The following UBASH3B variants were observed in gnomAD, a reference collection of about 807,000 sequenced individuals.
The protein encoded by UBASH3B is ubiquitin associated and SH3 domain containing B, also known as ubiquitin-associated and SH3 domain-containing protein B.
In UBASH3B, 37 loss-of-function variants were observed where a neutral mutation model predicts 83.4. That is an observed-to-expected ratio of 0.44 (90% CI 0.34 to 0.58). The LOEUF (loss-of-function observed/expected upper bound fraction) is 0.58. Ranked by LOEUF, UBASH3B falls within the 20% of genes least tolerant of loss-of-function variation. UBASH3B has a pLI of 0.01. For missense variants in UBASH3B, 657 were observed against 827.2 expected (o/e 0.79, Z 2.52); for synonymous variants, 304 against 318.3 (o/e 0.96, Z 0.48).
rs1185820802 is a variant in UBASH3B at position 122,759,282 on chromosome 11, T to C, written c.162-16937T>C. ...CACGTGGCTGTCTTTTCATAGGCAGTCCACAACATGCTGCTTCTCCTTGGC... is the reference window on the plus strand; with the variant it reads ...CACGTGGCTGTCTTTTCATAGGCAGCCCACAACATGCTGCTTCTCCTTGGC... On this transcript the variant is annotated intron_variant, in intron 1 of 13. Coordinates refer to ENST00000284273, the MANE Select transcript of UBASH3B (RefSeq NM_032873.5). The surrounding 1 kb of genome is among the most constrained non-coding windows in gnomAD (Gnocchi z 4.1). 6.6e-6 allele frequency among the ~76,000 whole-genome samples: 1 copy of C among 152,168 alleles called. No homozygotes were observed. The highest frequency in any genetic ancestry group is 1.5e-5 in the Non-Finnish European group (1 of 68,028).
intron 1 of UBASH3B, among the ~76,000 whole-genome samples, chr11:122,770,835 C>T (rs746363924): frequency 2.6e-5 from 4 of 152,188 alleles, no homozygotes; most frequent in Non-Finnish European, 5.9e-5. Context: ...TGCCAATATC[C>T]TCATTGTCAC....
chr11:122,763,647 T>A (rs1860483585), intron 1 of UBASH3B, among the ~76,000 whole-genome samples: 1 of 152,174 alleles, frequency 6.6e-6, no homozygotes, highest in Non-Finnish European at 1.5e-5. Context: ...TCCCATTGAT[T>A]GTGGGATGTG....
intron 1 of UBASH3B, among the ~76,000 whole-genome samples, chr11:122,674,246 C>T (rs184904076): frequency 1.3e-5 from 2 of 152,266 alleles, no homozygotes; most frequent in Admixed American, 1.3e-4. Context: ...AGTTGGGGCC[C>T]CTCGTTCCTC....
intron 1 of UBASH3B, among the ~76,000 whole-genome samples, chr11:122,671,303 A>G (rs1161526826): frequency 1.2e-4 from 19 of 152,182 alleles, no homozygotes; most frequent in Non-Finnish European, 8.8e-5. Flanking sequence ...AGGCAGGCAG[A>G]TTGCTTAAGG....
intron 1 of UBASH3B, among the ~76,000 whole-genome samples, chr11:122,660,319 G>T (rs578159578): frequency 6.6e-6 from 1 of 152,144 alleles, no homozygotes; most frequent in East Asian, 1.9e-4. Context: ...GGAGGTGTTC[G>T]GGAGGCATCA....
intron 1 of UBASH3B, among the ~76,000 whole-genome samples, chr11:122,735,832 C>T (rs527652801): frequency 1.3e-5 from 2 of 152,094 alleles, no homozygotes; most frequent in African/African-American, 2.4e-5. Context: ...GGCATGAGAG[C>T]GAAGTGGCGG....
chr11:122,753,544 G>A (rs1450395267), intron 1 of UBASH3B, among the ~76,000 whole-genome samples: 1 of 144,996 alleles, frequency 6.9e-6, no homozygotes, highest in South Asian at 2.2e-4. Flanking sequence ...TGTCGCCCAG[G>A]CTGGAGTGAA....
At chr11:122,730,310 G>A (rs1386397048) in intron 1 of UBASH3B, among the ~76,000 whole-genome samples, 2 of 152,084 alleles carry the variant, frequency 1.3e-5, no homozygotes, top group African/African-American at 4.8e-5. Context: ...ACGGGTCCTT[G>A]AACAATTGCA....
chr11:122,804,543 G>A (rs563660341), intron 11 of UBASH3B, among the ~76,000 whole-genome samples: 23 of 152,252 alleles, frequency 1.5e-4, no homozygotes, highest in African/African-American at 5.3e-4. Context: ...AGTTGCTAAC[G>A]GTGTTAGCAT....
intron 5 of UBASH3B, among the ~76,000 whole-genome samples, chr11:122,786,705 G>T (rs926151911): frequency 6.6e-6 from 1 of 152,110 alleles, no homozygotes; most frequent in South Asian, 2.1e-4. Flanking sequence ...TAAAACAAAA[G>T]AATAAGTAGA....
intron 1 of UBASH3B, among the ~76,000 whole-genome samples, chr11:122,665,813 G>C (rs950164055): frequency 1.3e-5 from 2 of 152,164 alleles, no homozygotes; most frequent in African/African-American, 4.8e-5. Flanking sequence ...CCAAAGTGCT[G>C]GTTAAATAAG....
At chr11:122,689,938 G>A (rs902000210) in intron 1 of UBASH3B, among the ~76,000 whole-genome samples, 2 of 151,744 alleles carry the variant, frequency 1.3e-5, no homozygotes, top group Non-Finnish European at 2.9e-5. Context: ...CTCCCCTGGC[G>A]CCACCCTCCA....
intron 1 of UBASH3B, among the ~76,000 whole-genome samples, chr11:122,761,186 C>G (rs930791052): frequency 1.3e-5 from 2 of 152,180 alleles, no homozygotes; most frequent in Non-Finnish European, 2.9e-5. Context: ...AAGGTCTTCT[C>G]AAGAGTCTCA....
At chr11:122,804,332 G>A (rs1170070771) in intron 11 of UBASH3B, among the ~76,000 whole-genome samples, 1 of 152,116 alleles carries the variant, frequency 6.6e-6, no homozygotes, top group Non-Finnish European at 1.5e-5. Flanking sequence ...GACTCAGAAG[G>A]CTGTTTCCTA....
chr11:122,669,459 ATCAC>A (rs1279748949), intron 1 of UBASH3B, among the ~76,000 whole-genome samples: 1 of 152,188 alleles, frequency 6.6e-6, no homozygotes, highest in Non-Finnish European at 1.5e-5. Context: ...CCTCAGCTGA[ATCAC>A]ATCTGTAAAG....
Position 122,779,653 on chromosome 11 carries a change from A to T in UBASH3B, c.559A>T (p.Lys187Ter). 1 of 1,614,200 alleles carries T rather than the reference A, an allele frequency of 6.2e-7. No homozygotes were observed. The highest frequency in any genetic ancestry group is 8.5e-7 in the Non-Finnish European group (1 of 1,180,046). ...VKEDSAEVLK[K>*]FAADFAAEAA... ...GGAAGACAGTGCGGAGGTCCTCAAG[A>T]AGTTTGCTGCTGACTTTGCTGCAGA... The change falls in exon 4 of 14, where the codon AAG becomes TAG. Residue 187 changes from lysine to a stop codon, truncating the protein, a stop_gained. Coordinates refer to ENST00000284273, the MANE Select transcript of UBASH3B (RefSeq NM_032873.5). LOFTEE classifies it high-confidence loss of function.
At chr11:122,697,650 A>G (rs549905357) in intron 1 of UBASH3B, among the ~76,000 whole-genome samples, 52 of 152,192 alleles carry the variant, frequency 3.4e-4, no homozygotes, top group Non-Finnish European at 6.6e-4. Flanking sequence ...ACTTGTTTCC[A>G]TCTTCTTGTC....
At chr11:122,775,886 T>C (rs1266840210) in intron 1 of UBASH3B, 2 of 239,174 alleles carry the variant, frequency 8.4e-6, no homozygotes, top group East Asian at 1.0e-4. Context: ...TAAGAATGAG[T>C]GGGTGAAGAG....
Position 122,796,976 on chromosome 11 carries a change from G to A in UBASH3B, c.1300G>A (p.Asp434Asn). Reference protein sequence around the residue: ...SLPQRSGGFRDYEKDAPITVF... With the variant: ...SLPQRSGGFRNYEKDAPITVF... ...ACCTCAGCGGAGTGGTGGTTTCCGA[G>A]ATTACGAGAAAGATGCTCCCATCAC... is the stretch of plus-strand genomic sequence containing the variant. The change falls in exon 9 of 14, where the codon GAT becomes AAT. Residue 434 changes from aspartate (D) to asparagine (N), a missense_variant. Transcript: ENST00000284273. 6.2e-7 allele frequency: 1 copy of A among 1,614,100 alleles called. No individual in the cohort carries two copies.
Sources: gnomAD v4.1 joint callset for allele counts (sites outside exome capture counted in the v4.1 genomes callset) on GRCh38, gnomAD v4.1.1 for gene constraint, Gnocchi (gnomAD v3.1) non-coding constraint, MANE v1.5 for transcripts, NCBI Gene and HGNC (gene_info 2026-07-23, HGNC 2026-07-21) for gene names.